Variants in MUSK observed in about 807,000 individuals in gnomAD.
The protein encoded by MUSK is muscle, skeletal receptor tyrosine-protein kinase.
MUSK carries 55 observed loss-of-function variants against 88.7 expected under a neutral mutation model. The ratio of observed to expected loss-of-function variants is 0.62; its 90% CI spans 0.50 to 0.78. The LOEUF is 0.78. MUSK is among the 30% of genes least tolerant of loss of function. The pLI is 0.00. For synonymous variants in MUSK, 387 were observed against 391.9 expected (o/e 0.99, Z 0.15); for missense variants, 1,015 against 1,074.3 (o/e 0.94, Z 0.77).
In MUSK at chr9:110,800,843, C is replaced by A. The variant is rs1180600991; in HGVS notation, c.2465C>A (p.Ser822Tyr). 2 of 1,609,982 alleles carry A rather than the reference C, an allele frequency of 1.2e-6. No individual in the cohort carries two copies. The highest frequency in any genetic ancestry group is 1.7e-6 in the Non-Finnish European group (2 of 1,177,122). ...TACGTGCGAGATGGCAACATCCTCT[C>A]CTGCCCTGAGAACTGCCCCGTGGAG... ...IYYVRDGNIL[S>Y]CPENCPVELY... The change falls in exon 15 of 15, where the codon TCC becomes TAC. Residue 822 changes from serine to tyrosine, a missense_variant. Coordinates refer to ENST00000374448, the MANE Select transcript of MUSK (RefSeq NM_005592.4).
chr9:110,741,157 T>C (rs566806276), intron 6 of MUSK, among the ~76,000 whole-genome samples: 1 of 152,094 alleles, frequency 6.6e-6, no homozygotes, highest in Non-Finnish European at 1.5e-5. Context: ...CACACAAAGG[T>C]AACCATGTGA....
intron 5 of MUSK, chr9:110,705,975 G>C (rs1179541405): frequency 2.8e-5 from 11 of 397,764 alleles, no homozygotes; most frequent in Non-Finnish European, 5.2e-5. Context: ...TGGCATATCT[G>C]GGTTACATCT....
intron 11 of MUSK, among the ~76,000 whole-genome samples, chr9:110,784,453 C>T (rs976870590): frequency 3.3e-5 from 5 of 152,092 alleles, no homozygotes; most frequent in African/African-American, 1.2e-4. Context: ...AAAAGCTCAG[C>T]TCTAGACAAT....
intron 5 of MUSK, among the ~76,000 whole-genome samples, chr9:110,702,383 A>G (rs10817080): frequency 0.88 from 133,559 of 152,076 alleles, 59,018 homozygotes; most frequent in African/African-American, 0.96. Flanking sequence ...TTAGCATTCA[A>G]AACCTTGTAT....
chr9:110,719,284 T>C (rs898452666), intron 5 of MUSK, among the ~76,000 whole-genome samples: 1 of 152,042 alleles, frequency 6.6e-6, no homozygotes, highest in African/African-American at 2.4e-5. Flanking sequence ...ACTTAAAAGA[T>C]ACAGAATAGC....
At chr9:110,798,385 A>C (rs1043081964) in intron 14 of MUSK, among the ~76,000 whole-genome samples, 2 of 152,216 alleles carry the variant, frequency 1.3e-5, no homozygotes, top group African/African-American at 4.8e-5. Flanking sequence ...TAACTAAAGA[A>C]ATATGCAGAA....
chr9:110,802,332 T>C lies in MUSK; in HGVS notation c.*1344T>C, dbSNP rs1015856451. Among the ~76,000 whole-genome samples, 43 of 152,188 alleles carry C rather than the reference T, an allele frequency of 2.8e-4. No individual in the cohort carries two copies. Among genetic ancestry groups the C allele is most frequent in the African/African-American group, 1.0e-3 (42 of 41,450 alleles). ...ATCTAAGTCCATACATGATCTGAGT[T>C]TATTTCTGATATAGCAGGAACCCAA... is the stretch of plus-strand genomic sequence containing the variant. On this transcript the variant is annotated 3_prime_UTR_variant, in exon 15 of 15. Transcript: ENST00000374448.
chr9:110,761,323 G>C (rs1360088302), intron 7 of MUSK, among the ~76,000 whole-genome samples: 2 of 152,036 alleles, frequency 1.3e-5, no homozygotes, highest in Non-Finnish European at 2.9e-5. Context: ...TTCCAAAAAC[G>C]GTAAGGATTT....
At chr9:110,684,877 T>G (rs73536293) in intron 2 of MUSK, among the ~76,000 whole-genome samples, 3,449 of 152,242 alleles carry the variant, frequency 0.023, 128 homozygotes, top group African/African-American at 0.079. Context: ...TGTGGAGTAT[T>G]TAAGTTTTTC....
chr9:110,689,593 A>C (rs1479681243), intron 3 of MUSK, among the ~76,000 whole-genome samples: 1 of 98,014 alleles, frequency 1.0e-5, no homozygotes, highest in African/African-American at 4.3e-5. Flanking sequence ...ACTACATAAT[A>C]TATAACATAT....
chr9:110,695,487 C>T lies in MUSK; in HGVS notation c.443C>T (p.Pro148Leu). 1 of 1,566,764 alleles carries T rather than the reference C, an allele frequency of 6.4e-7. No individual in the cohort carries two copies. Among genetic ancestry groups the T allele is most frequent in the South Asian group, 1.2e-5 (1 of 84,970 alleles). ...AVLPCTTMGN[P>L]KPSVSWIKGD... ...CTACCATGTACTACAATGGGTAATC[C>T]CAAACCATCAGTGTCTTGGATAAAG... The change falls in exon 4 of 15, where the codon CCC becomes CTC. Residue 148 changes from proline (P) to leucine (L), a missense_variant. Transcript: ENST00000374448.
chr9:110,695,427 T>C lies in MUSK; in HGVS notation c.383T>C (p.Ile128Thr), dbSNP rs2076418667. The change falls in exon 4 of 15, where the codon ATA becomes ACA. Residue 128 changes from isoleucine (I) to threonine (T), a missense_variant. Transcript: ENST00000374448. ...KMKPKITRPP[I>T]NVKIIEGLKA... ...GAACCTAAAATAACTCGTCCTCCCA[T>C]AAATGTGAAAATAATAGAGGGATTA... 2 of 1,527,996 alleles carry C rather than the reference T, an allele frequency of 1.3e-6. No individual in the cohort carries two copies. The highest frequency in any genetic ancestry group is 1.8e-6 in the Non-Finnish European group (2 of 1,125,384). 94.7% of individuals were successfully genotyped at this position (1,527,996 alleles called of 1,614,324 possible).
At chr9:110,788,027 T>C in intron 14 of MUSK, 189 bp downstream of exon 14, 1 of 614,474 alleles carries the variant, frequency 1.6e-6, no homozygotes, top group Admixed American at 3.0e-5. Context: ...GGATTATCCC[T>C]CTTTAAATTC....
intron 13 of MUSK, among the ~76,000 whole-genome samples, chr9:110,787,361 CAAAAAAAAA>C (rs10659550): frequency 1.1e-5 from 1 of 91,444 alleles, no homozygotes; most frequent in Non-Finnish European, 2.1e-5. Flanking sequence ...GACTCTGTCT[CAAAAAAAAA>C]AAAAAAAAAA....
rs1173869437 is a variant in MUSK, at chr9:110,698,412, G to A, written c.628+946G>A. 1.2e-4 allele frequency among the ~76,000 whole-genome samples: 18 copies of A among 152,106 alleles called. No individual in the cohort carries two copies. The East Asian group carries it at 3.3e-3, about 28-fold the overall frequency. On this transcript the variant is annotated intron_variant, in intron 5 of 14. Transcript: ENST00000374448. ...GATAAGTGTTAGAGTATCACATACT[G>A]GCACAAATTACAGTTCAATCAGGAA...
chr9:110,776,146 T>G (rs2077668778), intron 10 of MUSK, among the ~76,000 whole-genome samples, 183 bp downstream of exon 10: 1 of 152,218 alleles, frequency 6.6e-6, no homozygotes, highest in Non-Finnish European at 1.5e-5. Flanking sequence ...CAGATTAGCG[T>G]AAAGATTTAT....
intron 11 of MUSK, among the ~76,000 whole-genome samples, chr9:110,782,490 C>G (rs185470390): frequency 3.7e-4 from 56 of 152,284 alleles, no homozygotes; most frequent in Middle Eastern, 6.8e-3. Context: ...GTAAATTCTA[C>G]TTTCTGATTC....
intron 9 of MUSK, among the ~76,000 whole-genome samples, chr9:110,773,302 A>C: frequency 6.6e-6 from 1 of 152,134 alleles, no homozygotes; most frequent in Non-Finnish European, 1.5e-5. Flanking sequence ...TAAGGTGTTC[A>C]GGGTAGACTT....
At chr9:110,765,036 T>C (rs369306006) in intron 8 of MUSK, among the ~76,000 whole-genome samples, 6 of 152,208 alleles carry the variant, frequency 3.9e-5, no homozygotes, top group Non-Finnish European at 7.3e-5. Flanking sequence ...TCTGAAGTTA[T>C]TTTCATTAAT....
Sources: gnomAD v4.1 joint callset for allele counts (sites outside exome capture counted in the v4.1 genomes callset) on GRCh38, gnomAD v4.1.1 for gene constraint, MANE v1.5 for transcripts, NCBI Gene and HGNC (gene_info 2026-07-23, HGNC 2026-07-21) for gene names.